Variants in NPNT observed in about 807,000 individuals in gnomAD.
NPNT encodes preosteoblast EGF-like repeat protein with MAM domain.
A neutral mutation model predicts 68.6 loss-of-function variants in NPNT; 45 were observed. The ratio of observed to expected loss-of-function variants is 0.66; its 90% CI spans 0.52 to 0.84. NPNT has a LOEUF of 0.84. Among genes scored for constraint, NPNT ranks in the 40% least tolerant of loss-of-function variants. NPNT has a pLI of 0.00. For synonymous variants in NPNT, 233 were observed against 253.3 expected, an observed-to-expected ratio of 0.92 and a Z score of 0.76; for missense variants, 672 against 714.8, an observed-to-expected ratio of 0.94 and a Z score of 0.68.
chr4:105,929,198 A>G (rs2149357508), intron 3 of NPNT, among the ~76,000 whole-genome samples: 1 of 151,912 alleles, frequency 6.6e-6, no homozygotes, highest in South Asian at 2.1e-4. Context: ...GAAAACATGC[A>G]GTGTTTAGTT....
At chr4:105,898,316 CTCTCTCTCTCTG>C (rs1405245089) in intron 2 of NPNT, among the ~76,000 whole-genome samples, 16 of 126,634 alleles carry the variant, frequency 1.3e-4, no homozygotes, top group African/African-American at 3.9e-4. Flanking sequence ...CTCTCTGTCT[CTCTCTCTCTCTG>C]TCTCTCTCTC....
chr4:105,950,457 T>G (rs1730734870), intron 8 of NPNT, among the ~76,000 whole-genome samples: 1 of 152,154 alleles, frequency 6.6e-6, no homozygotes, highest in Non-Finnish European at 1.5e-5. Flanking sequence ...TTATTATTTA[T>G]TTATTTATTT....
At chr4:105,896,169 G>A (rs1725825817) in intron 1 of NPNT, among the ~76,000 whole-genome samples, 1 of 152,212 alleles carries the variant, frequency 6.6e-6, no homozygotes, top group Non-Finnish European at 1.5e-5. Context: ...AGGGCTCTCG[G>A]GGCCGCTCAC....
At chr4:105,937,215 CG>C in intron 4 of NPNT, 87 bp downstream of exon 4, 2 of 1,358,514 alleles carry the variant, frequency 1.5e-6, no homozygotes, top group South Asian at 2.6e-5. Flanking sequence ...AAATGGCCTC[CG>C]GGGTTCTCCT....
intron 2 of NPNT, chr4:105,912,298 T>G (rs1727434585): frequency 9.1e-7 from 1 of 1,100,888 alleles, no homozygotes. Flanking sequence ...AAGGCATACC[T>G]TCTAAATAAT....
Position 105,937,074 on chromosome 4 carries a change from T to C in NPNT, c.331T>C (p.Tyr111His). 1 of 1,613,702 alleles carries C rather than the reference T, an allele frequency of 6.2e-7. No homozygotes were observed. The highest frequency in any genetic ancestry group is 1.1e-5 in the South Asian group (1 of 91,070). The change falls in exon 4 of 12, where the codon TAC becomes CAC. Residue 111 changes from tyrosine to histidine, a missense_variant. Tyr to His is a moderately conservative substitution (Grantham distance 83). Transcript: ENST00000379987. The part of the protein sequence containing the change: ...KHRCMNTYGS[Y>H]KCYCLNGYML... ...CAGGTGCATGAACACTTACGGCAGC[T>C]ACAAGTGCTACTGTCTCAACGGATA...
intron 2 of NPNT, among the ~76,000 whole-genome samples, chr4:105,902,977 T>TA (rs1726541813): frequency 6.6e-6 from 1 of 152,172 alleles, no homozygotes; most frequent in Non-Finnish European, 1.5e-5. Flanking sequence ...GAAATTTTAG[T>TA]ACTTCTTAAG....
intron 2 of NPNT, among the ~76,000 whole-genome samples, chr4:105,921,114 T>C (rs182047561): frequency 1.3e-5 from 2 of 152,330 alleles, no homozygotes; most frequent in African/African-American, 4.8e-5. Flanking sequence ...AACTTTTCGC[T>C]CCTTTTAAGA....
In NPNT at chr4:105,918,920, A is replaced by C. The variant is rs540226292; in HGVS notation, c.173-8416A>C. ...GATCTCTAATGAATCTTGTGAGTTT[A>C]CTGGTTTTTAAATAAAAAATGGCAA... On this transcript the variant is annotated intron_variant, in intron 2 of 11. Transcript: ENST00000379987. Among the ~76,000 whole-genome samples, 5 of 152,238 alleles carry C rather than the reference A, an allele frequency of 3.3e-5. No homozygotes were observed. In the South Asian group the frequency reaches 1.0e-3, roughly 32 times the overall value.
At chr4:105,898,082 A>G in intron 2 of NPNT, 81 bp downstream of exon 2, 2 of 943,020 alleles carry the variant, frequency 2.1e-6, no homozygotes, top group Non-Finnish European at 3.3e-6. Flanking sequence ...CACATATCAG[A>G]GGGTTCATTA....
At chr4:105,912,081 G>C (rs548772950) in intron 2 of NPNT, 1 of 744,880 alleles carries the variant, frequency 1.3e-6, no homozygotes, top group South Asian at 1.5e-5. Context: ...ACTGAAAGTT[G>C]AATATGTGTA....
chr4:105,904,714 A>G (rs1006037643), intron 2 of NPNT, among the ~76,000 whole-genome samples: 2 of 151,430 alleles, frequency 1.3e-5, no homozygotes, highest in Admixed American at 1.3e-4. Context: ...ACGGGGTCTC[A>G]CTCTGTTGCC....
intron 10 of NPNT, among the ~76,000 whole-genome samples, chr4:105,960,089 C>T (rs756079012): frequency 2.0e-5 from 3 of 152,136 alleles, no homozygotes; most frequent in Non-Finnish European, 2.9e-5. Flanking sequence ...GGATTACAGG[C>T]GTGAGCCACC....
At chr4:105,952,274 T>C (rs186257366) in intron 8 of NPNT, among the ~76,000 whole-genome samples, 89 of 152,348 alleles carry the variant, frequency 5.8e-4, no homozygotes, top group Non-Finnish European at 7.6e-4. Context: ...AAGTGTGAGC[T>C]GTTAGGTGCA....
chr4:105,970,551 A>G lies in NPNT; in HGVS notation c.*1561A>G, dbSNP rs1196928485. 1 of 680,780 alleles carries G rather than the reference A, an allele frequency of 1.5e-6. No individual in the cohort carries two copies. 42.2% of individuals were successfully genotyped at this position (680,780 alleles called of 1,614,324 possible). A position where few individuals can be genotyped will look rare whatever the true frequency, so the allele number is the denominator to read the frequency against. ...AGGGTGGCGACCAGCTGTTCTCCAT[A>G]TGCACTAAGAATAGAACAAGAGGAA... On this transcript the variant is annotated 3_prime_UTR_variant, in exon 12 of 12. Coordinates refer to ENST00000379987, the MANE Select transcript of NPNT (RefSeq NM_001033047.3).
intron 2 of NPNT, among the ~76,000 whole-genome samples, chr4:105,923,333 CCT>C (rs1364155615): frequency 1.3e-5 from 2 of 151,872 alleles, no homozygotes; most frequent in African/African-American, 2.4e-5. Context: ...TTTACATTCC[CCT>C]GAGTATATGG....
chr4:105,944,714 C>G (rs1560927463), intron 8 of NPNT, among the ~76,000 whole-genome samples: 1 of 152,228 alleles, frequency 6.6e-6, no homozygotes, highest in Non-Finnish European at 1.5e-5. Flanking sequence ...GATAGCATTG[C>G]TGCCTTTAGA....
Position 105,945,910 on chromosome 4 carries a change from G to A in NPNT, c.1159+3208G>A, listed in dbSNP as rs74607765. ...TACTAGCTTGCACAAATTTTTTAAT[G>A]TTAGCAAGATTTAAGGCAAATTTTT... is the stretch of plus-strand genomic sequence containing the variant. On this transcript the variant is annotated intron_variant, in intron 8 of 11. Coordinates refer to ENST00000379987, the MANE Select transcript of NPNT (RefSeq NM_001033047.3). Among the ~76,000 whole-genome samples, 844 of 152,300 alleles carry A rather than the reference G, an allele frequency of 5.5e-3. 9 individuals carry two copies. Among genetic ancestry groups the A allele is most frequent in the African/African-American group, 0.02 (818 of 41,578 alleles).
At chr4:105,918,239 G>A (rs2149341763) in intron 2 of NPNT, among the ~76,000 whole-genome samples, 1 of 152,262 alleles carries the variant, frequency 6.6e-6, no homozygotes, top group East Asian at 1.9e-4. Flanking sequence ...TCGAGGCCCA[G>A]TAACAAAATT....
Sources: allele counts gnomAD v4.1 joint callset (sites outside exome capture counted in the v4.1 genomes callset), GRCh38; gene constraint gnomAD v4.1.1; transcripts MANE v1.5; gene names NCBI Gene and HGNC (gene_info 2026-07-23, HGNC 2026-07-21).